BCAS3: variants seen among roughly 807,000 people sequenced by gnomAD.
The protein encoded by BCAS3 is BCAS3 microtubule associated cell migration factor, also known as BCAS4/BCAS3 fusion.
A neutral mutation model predicts 116.1 loss-of-function variants in BCAS3; 53 were observed. The ratio of observed to expected loss-of-function variants is 0.46; its 90% CI spans 0.37 to 0.57. The LOEUF (loss-of-function observed/expected upper bound fraction) is 0.57, where lower values mean the gene tolerates loss of function less well. Ranked by LOEUF, BCAS3 falls within the 20% of genes least tolerant of loss-of-function variation. BCAS3 has a pLI of 0.00. For missense variants in BCAS3, 917 were observed against 1,165.4 expected (o/e 0.79, Z 3.10); for synonymous variants, 391 against 408.2 (o/e 0.96, Z 0.51).
At chr17:60,867,177 G>A (rs948214398) in intron 7 of BCAS3, among the ~76,000 whole-genome samples, 55 of 151,504 alleles carry the variant, frequency 3.6e-4, no homozygotes, top group African/African-American at 1.3e-3. Flanking sequence ...CACAATCTTG[G>A]CTCACTGCAA....
At chr17:61,090,771 C>T (rs1237471968) in intron 22 of BCAS3, among the ~76,000 whole-genome samples, 2 of 152,108 alleles carry the variant, frequency 1.3e-5, no homozygotes, top group Non-Finnish European at 2.9e-5. Flanking sequence ...GATTCTCCTG[C>T]CTCAGCCTCC....
At chr17:61,296,947 TC>T (rs2052971322) in intron 22 of BCAS3, among the ~76,000 whole-genome samples, 1 of 151,894 alleles carries the variant, frequency 6.6e-6, no homozygotes, top group Admixed American at 6.6e-5. Context: ...CTTTGGGGAG[TC>T]CCCTTGGAAT....
In BCAS3 at chr17:61,285,165, C is replaced by A. The variant is rs1377679644; in HGVS notation, c.2426-83162C>A. Among the ~76,000 whole-genome samples, 1 of 151,732 alleles carries A rather than the reference C, an allele frequency of 6.6e-6. No homozygotes were observed. Among genetic ancestry groups the A allele is most frequent in the Non-Finnish European group, 1.5e-5 (1 of 68,000 alleles). On this transcript the variant is annotated intron_variant, in intron 22 of 23. Transcript: ENST00000407086. The surrounding 1 kb of genome is among the most constrained non-coding windows in gnomAD (Gnocchi z 5.4). Reference sequence around the variant, plus strand: ...CTGGGCAGACCAGGGACCACAGGAACCAGAGAAATGAAAAGTATCACTTGA... The same window carrying A: ...CTGGGCAGACCAGGGACCACAGGAAACAGAGAAATGAAAAGTATCACTTGA...
At chr17:61,081,090 C>T (rs1026099689) in intron 21 of BCAS3, among the ~76,000 whole-genome samples, 4 of 152,176 alleles carry the variant, frequency 2.6e-5, no homozygotes, top group African/African-American at 4.8e-5. Flanking sequence ...TCAGTGTACT[C>T]GTGTTTACAA....
rs558982255 is a variant in BCAS3, at chr17:60,995,536, GA to G, written c.1486+5302del. On this transcript the variant is annotated intron_variant, in intron 15 of 23. Transcript: ENST00000407086. This position sits in a 1 kb window ranked among gnomAD's most constrained non-coding sequence, Gnocchi z 4.7. ...TGGTCTCAAACTCCTGACCTCAAGT[GA>G]TCCACCTGCCTCAGCCTCCCAAGGT... Among the ~76,000 whole-genome samples the G allele has an allele frequency of 2.5e-4, 38 of 152,272 alleles. No individual in the cohort carries two copies. Among genetic ancestry groups the G allele is most frequent in the Admixed American group, 2.5e-3 (38 of 15,290 alleles).
intron 7 of BCAS3, among the ~76,000 whole-genome samples, chr17:60,866,317 C>G (rs542855666): frequency 6.6e-6 from 1 of 151,804 alleles, no homozygotes; most frequent in East Asian, 1.9e-4. Flanking sequence ...TTAGTAGAGA[C>G]GGGGTTTCTC....
chr17:60,864,884 G>A (rs988648504), intron 7 of BCAS3, among the ~76,000 whole-genome samples: 1 of 152,152 alleles, frequency 6.6e-6, no homozygotes, highest in Non-Finnish European at 1.5e-5. Flanking sequence ...TCTCAGTGAT[G>A]AAGGAGGCCT....
Position 61,017,206 on chromosome 17 carries a change from G to C in BCAS3, c.1637+1305G>C, listed in dbSNP as rs2046404933. ...TTAAAATAATTTAAGAATAATGGCT[G>C]TGAATAATGAAGAGGTTATGTCCTT... On this transcript the variant is annotated intron_variant, in intron 16 of 23. Transcript: ENST00000407086. This position sits in a 1 kb window ranked among gnomAD's most constrained non-coding sequence, Gnocchi z 4.7. 1 of 152,062 alleles carries C rather than the reference G, an allele frequency of 6.6e-6. No individual in the cohort carries two copies. Among genetic ancestry groups the C allele is most frequent in the African/African-American group, 2.4e-5 (1 of 41,386 alleles). The allele number at this position is 152,062 out of a possible 1,614,324, so 9.4% of individuals were successfully genotyped here. A position where few individuals can be genotyped will look rare whatever the true frequency, so the allele number is the denominator to read the frequency against.
rs2054130901 is a variant in BCAS3, at chr17:61,309,526, G to A, written c.2426-58801G>A. 6.6e-6 allele frequency among the ~76,000 whole-genome samples: 1 copy of A among 152,106 alleles called. No individual in the cohort carries two copies. Among genetic ancestry groups the A allele is most frequent in the Non-Finnish European group, 1.5e-5 (1 of 68,028 alleles). On this transcript the variant is annotated intron_variant, in intron 22 of 23. Transcript: ENST00000407086. The surrounding 1 kb of genome is among the most constrained non-coding windows in gnomAD (Gnocchi z 4.6). ...GCCCTGACCCTTCCCTGCCTCACTT[G>A]CCCTCTACTTCCCAGCTTCACCATA...
At chr17:60,930,526 G>A (rs541313286) in intron 13 of BCAS3, among the ~76,000 whole-genome samples, 16 of 151,618 alleles carry the variant, frequency 1.1e-4, no homozygotes, top group African/African-American at 3.4e-4. Flanking sequence ...GTGTGATCTC[G>A]GCTCACCACA....
Position 61,032,151 on chromosome 17 carries a change from C to T in BCAS3, c.1638-2515C>T, listed in dbSNP as rs2066692137. Among the ~76,000 whole-genome samples, 2 of 152,006 alleles carry T rather than the reference C, an allele frequency of 1.3e-5. No homozygotes were observed. The highest frequency in any genetic ancestry group is 2.9e-5 in the Non-Finnish European group (2 of 67,968). On this transcript the variant is annotated intron_variant, in intron 16 of 23. Transcript: ENST00000407086. This position sits in a 1 kb window ranked among gnomAD's most constrained non-coding sequence, Gnocchi z 4.6. ...GGCCTGGAAGCAACTATTTTTAAGT[C>T]TGTTTAGGATGCATACTTCAGAGGG...
intron 22 of BCAS3, among the ~76,000 whole-genome samples, chr17:61,177,947 A>ATTCT (rs2079242169): frequency 6.6e-6 from 1 of 152,202 alleles, no homozygotes; most frequent in South Asian, 2.1e-4. Context: ...TACATTACAT[A>ATTCT]AGACTATATA....
intron 22 of BCAS3, among the ~76,000 whole-genome samples, chr17:61,266,072 G>A (rs190649940): frequency 6.6e-6 from 1 of 152,146 alleles, no homozygotes; most frequent in Admixed American, 6.6e-5. Context: ...ATTCCAAGGG[G>A]GAAGCCTGTC....
intron 22 of BCAS3, among the ~76,000 whole-genome samples, chr17:61,270,471 G>T (rs1047641680): frequency 1.3e-5 from 2 of 151,804 alleles, no homozygotes; most frequent in African/African-American, 4.8e-5. Flanking sequence ...TGAGTAGTAG[G>T]TGCTCTTTAT....
chr17:60,694,532 G>T (rs1462560845), intron 4 of BCAS3, among the ~76,000 whole-genome samples: 3 of 151,926 alleles, frequency 2.0e-5, no homozygotes, highest in African/African-American at 7.2e-5. Flanking sequence ...ATTAAAAATT[G>T]AGACAAGGTC....
intron 22 of BCAS3, among the ~76,000 whole-genome samples, chr17:61,254,950 A>G (rs1199214151): frequency 6.6e-6 from 1 of 152,074 alleles, no homozygotes; most frequent in Admixed American, 6.6e-5. Flanking sequence ...TTTCCTTTTA[A>G]ATTTTTAAAA....
At chr17:61,277,262 CAAAAA>C (rs58849968) in intron 22 of BCAS3, among the ~76,000 whole-genome samples, 2 of 101,744 alleles carry the variant, frequency 2.0e-5, no homozygotes, top group Non-Finnish European at 3.7e-5. Flanking sequence ...GACCCTGTAT[CAAAAA>C]AAAAAAAAAA....
chr17:60,847,404 C>T (rs1177727327), intron 7 of BCAS3, among the ~76,000 whole-genome samples: 1 of 152,148 alleles, frequency 6.6e-6, no homozygotes, highest in Non-Finnish European at 1.5e-5. Context: ...TGAGGTACTG[C>T]CAAGCTGTTT....
chr17:61,070,049 A>G, intron 19 of BCAS3: 1 of 1,593,550 alleles, frequency 6.3e-7, no homozygotes, highest in Non-Finnish European at 8.5e-7. Context: ...CAGCCCAAAT[A>G]TCCTCGGAAG....
Sources: gnomAD v4.1 joint callset for allele counts (sites outside exome capture counted in the v4.1 genomes callset) on GRCh38, gnomAD v4.1.1 for gene constraint, Gnocchi (gnomAD v3.1) non-coding constraint, MANE v1.5 for transcripts, NCBI Gene and HGNC (gene_info 2026-07-23, HGNC 2026-07-21) for gene names.